NCALD: variants seen among roughly 807,000 people sequenced by gnomAD.
The protein encoded by NCALD is neurocalcin delta, also known as neurocalcin-delta.
In NCALD, 10 loss-of-function variants were observed where a neutral mutation model predicts 18.6. The ratio of observed to expected loss-of-function variants is 0.54; its 90% CI spans 0.33 to 0.91. NCALD has a LOEUF of 0.91. Among genes scored for constraint, NCALD ranks in the 40% least tolerant of loss-of-function variants. The pLI, the probability that NCALD is intolerant of heterozygous loss-of-function variation, is 0.03. For synonymous variants in NCALD, 88 were observed against 87.4 expected (o/e 1.01, Z -0.04); for missense variants, 184 against 247.6 (o/e 0.74, Z 1.72).
intron 4 of NCALD, among the ~76,000 whole-genome samples, chr8:101,812,353 T>C (rs952811819): frequency 1.3e-5 from 2 of 152,152 alleles, no homozygotes; most frequent in Non-Finnish European, 2.9e-5. Context: ...AAATGAGATG[T>C]TCAGTTATTG....
chr8:102,043,606 C>T (rs539120808), intron 1 of NCALD, among the ~76,000 whole-genome samples: 5 of 149,380 alleles, frequency 3.3e-5, no homozygotes, highest in South Asian at 4.2e-4. Flanking sequence ...AAATGTTAGG[C>T]GGTTAGTTAG....
At chr8:101,860,214 C>T (rs1815483824) in intron 4 of NCALD, among the ~76,000 whole-genome samples, 1 of 152,140 alleles carries the variant, frequency 6.6e-6, no homozygotes, top group Non-Finnish European at 1.5e-5. Flanking sequence ...ACCTCCAATA[C>T]ATGCTTTCTT....
chr8:101,961,525 C>T (rs1819834770), intron 2 of NCALD, among the ~76,000 whole-genome samples: 1 of 152,094 alleles, frequency 6.6e-6, no homozygotes. Context: ...ACTACTGTTG[C>T]CTAAGCAGCA....
intron 2 of NCALD, among the ~76,000 whole-genome samples, chr8:101,985,820 A>G (rs566445291): frequency 2.0e-5 from 3 of 152,310 alleles, no homozygotes; most frequent in Admixed American, 2.0e-4. Context: ...CTTCAGATCA[A>G]ATTTTTAAAA....
intron 2 of NCALD, among the ~76,000 whole-genome samples, chr8:101,951,317 C>T (rs1819410597): frequency 6.6e-6 from 1 of 152,130 alleles, no homozygotes; most frequent in Non-Finnish European, 1.5e-5. Flanking sequence ...ACCTAATGAA[C>T]TCAAAGACTT....
chr8:101,880,628 A>G (rs970257254), intron 4 of NCALD, among the ~76,000 whole-genome samples: 4 of 152,246 alleles, frequency 2.6e-5, no homozygotes, highest in Non-Finnish European at 4.4e-5. Flanking sequence ...AGTTTTTCAA[A>G]AATTGAATTC....
intron 4 of NCALD, among the ~76,000 whole-genome samples, chr8:101,880,219 C>A (rs934765823): frequency 3.9e-5 from 6 of 152,170 alleles, no homozygotes; most frequent in African/African-American, 1.2e-4. Context: ...ACCTGGCGCA[C>A]CCTCCACAGC....
chr8:101,962,080 T>G (rs1819857046), intron 2 of NCALD, among the ~76,000 whole-genome samples: 1 of 152,178 alleles, frequency 6.6e-6, no homozygotes, highest in Non-Finnish European at 1.5e-5. Flanking sequence ...TGTGGCTTAT[T>G]CATTTTGTTA....
chr8:101,747,200 C>A (rs1017160022), intron 1 of NCALD, among the ~76,000 whole-genome samples: 1 of 151,954 alleles, frequency 6.6e-6, no homozygotes, highest in African/African-American at 2.4e-5. Flanking sequence ...TCTTCTCCTC[C>A]TTCCCACTGT....
chr8:102,050,079 G>A (rs1034874855), intron 1 of NCALD, among the ~76,000 whole-genome samples: 69 of 147,118 alleles, frequency 4.7e-4, no homozygotes, highest in East Asian at 1.0e-3. Flanking sequence ...GGAGAATGGC[G>A]TGAACCCGGG....
intron 4 of NCALD, chr8:101,847,237 T>C: frequency 4.8e-6 from 1 of 207,992 alleles, no homozygotes. Flanking sequence ...TTCTTCTTCT[T>C]TTTTTTTTCC....
In NCALD at chr8:102,054,720, ATCC is replaced by A. The variant is rs60197268; in HGVS notation, c.-209-34434_-209-34432del. Among the ~76,000 whole-genome samples the A allele has an allele frequency of 7.1e-5, 7 of 98,036 alleles. No homozygotes were observed. The East Asian group carries it at 1.3e-3, about 18-fold the overall frequency. 64.3% of individuals were successfully genotyped at this position (98,036 alleles called of 152,430 possible). On this transcript the variant is annotated intron_variant, in intron 1 of 6. Coordinates refer to the NCALD transcript ENST00000311028. ...TAGATAGATAGATAGATAGATAGAT[ATCC>A]TATAGATAGATAGATAGATCTATAG...
intron 1 of NCALD, among the ~76,000 whole-genome samples, chr8:101,790,646 C>T (rs1207080966): frequency 1.3e-5 from 2 of 152,138 alleles, no homozygotes; most frequent in African/African-American, 2.4e-5. Flanking sequence ...GCAAGCAAGA[C>T]GATTATATTT....
chr8:101,827,682 C>T (rs781547444), intron 4 of NCALD, among the ~76,000 whole-genome samples: 1 of 152,186 alleles, frequency 6.6e-6, no homozygotes, highest in Non-Finnish European at 1.5e-5. Flanking sequence ...CAGATAGAAA[C>T]AGTTTTCTGT....
chr8:101,713,343 A>G (rs1563684384), intron 2 of NCALD, among the ~76,000 whole-genome samples: 1 of 152,152 alleles, frequency 6.6e-6, no homozygotes, highest in Non-Finnish European at 1.5e-5. Flanking sequence ...TAAAATTGAC[A>G]CCCTAACATC....
chr8:101,756,441 A>T (rs1031478406), intron 1 of NCALD, among the ~76,000 whole-genome samples: 33 of 152,334 alleles, frequency 2.2e-4, no homozygotes, highest in African/African-American at 7.7e-4. Flanking sequence ...TGAGTATCAG[A>T]CTGTACCTGG....
At chr8:101,772,176 A>C (rs1263308695) in intron 1 of NCALD, among the ~76,000 whole-genome samples, 2 of 152,204 alleles carry the variant, frequency 1.3e-5, no homozygotes, top group African/African-American at 4.8e-5. Flanking sequence ...TGGTCAAACT[A>C]GTTTGGGAAA....
intron 4 of NCALD, among the ~76,000 whole-genome samples, chr8:101,821,446 G>C (rs942109152): frequency 6.6e-6 from 1 of 152,118 alleles, no homozygotes; most frequent in African/African-American, 2.4e-5. Context: ...ACTTTCTCAA[G>C]GTCACACAGC....
intron 3 of NCALD, among the ~76,000 whole-genome samples, chr8:101,912,727 T>G (rs1222946886): frequency 6.6e-6 from 1 of 152,220 alleles, no homozygotes; most frequent in African/African-American, 2.4e-5. Context: ...GGACACACCC[T>G]CAGGTGATCC....
Sources: gnomAD v4.1 joint callset for allele counts (sites outside exome capture counted in the v4.1 genomes callset) on GRCh38, gnomAD v4.1.1 for gene constraint, MANE v1.5 for transcripts, NCBI Gene and HGNC (gene_info 2026-07-23, HGNC 2026-07-21) for gene names.